SENP6: variants seen among roughly 807,000 people sequenced by gnomAD.
SENP6 encodes the protein sentrin-specific protease 6.
A neutral mutation model predicts 134.5 loss-of-function variants in SENP6; 41 were observed. The observed-to-expected ratio is 0.30, with a 90% CI of 0.24 to 0.40. SENP6 has a LOEUF of 0.40. Ranked by LOEUF, SENP6 falls within the 10% of genes least tolerant of loss-of-function variation. The pLI, the probability that SENP6 is intolerant of heterozygous loss-of-function variation, is 1.00. For missense variants in SENP6, 1,248 were observed against 1,312.5 expected (o/e 0.95, Z 0.76); for synonymous variants, 395 against 429.8 (o/e 0.92, Z 1.00).
chr6:75,651,334 G>C (rs966205100), intron 7 of SENP6, among the ~76,000 whole-genome samples: 1 of 151,904 alleles, frequency 6.6e-6, no homozygotes, highest in Non-Finnish European at 1.5e-5. Flanking sequence ...ATTTAGCACT[G>C]CTTAACACAT....
Position 75,703,036 on chromosome 6 carries a change from C to T in SENP6, c.2680C>T (p.Leu894=). Residue 894 remains leucine (L), a synonymous_variant, in exon 19 of 24, where the codon CTA becomes TTA. Transcript: ENST00000447266. ...TGATAGGACTAAAAGTGAGAATGGCCTACAGAATGAAAGTTTAAGTTCCAC... is the reference window on the plus strand; with the variant it reads ...TGATAGGACTAAAAGTGAGAATGGCTTACAGAATGAAAGTTTAAGTTCCAC... ...VADRTKSENG[L]QNESLSSTHH... is the part of the protein sequence containing the mutation. The T allele has an allele frequency of 6.2e-7, 1 of 1,610,852 alleles. No individual in the cohort carries two copies. Among genetic ancestry groups the T allele is most frequent in the Non-Finnish European group, 8.5e-7 (1 of 1,179,004 alleles).
Position 75,697,462 on chromosome 6 carries a change from A to G in SENP6, c.2233A>G (p.Thr745Ala). The G allele has an allele frequency of 6.2e-7, 1 of 1,613,642 alleles. No homozygotes were observed. The highest frequency in any genetic ancestry group is 8.5e-7 in the Non-Finnish European group (1 of 1,179,714). ...QKRHGRVKTW[T>A]RHVDIFEKDF... ...ACGGCATGGGAGAGTAAAAACATGGACCCGGCACGTAGATATTTTTGAGAA... is the reference window on the plus strand; with the variant it reads ...ACGGCATGGGAGAGTAAAAACATGGGCCCGGCACGTAGATATTTTTGAGAA... The change falls in exon 18 of 24, where the codon ACC becomes GCC. Residue 745 changes from threonine (T) to alanine (A), a missense_variant. By Grantham distance (58) the Thr-to-Ala change is moderately conservative. Transcript: ENST00000447266.
At chr6:75,714,323 A>T (rs990294281) in intron 23 of SENP6, among the ~76,000 whole-genome samples, 6 of 152,202 alleles carry the variant, frequency 3.9e-5, no homozygotes, top group Non-Finnish European at 7.4e-5. Context: ...CTTCAGAGGT[A>T]CAGTACCACA....
chr6:75,617,263 CTTTTTTTT>C (rs71002751), intron 1 of SENP6, among the ~76,000 whole-genome samples: 5 of 58,098 alleles, frequency 8.6e-5, no homozygotes, highest in South Asian at 9.7e-4. Flanking sequence ...TTCTTTCTTT[CTTTTTTTT>C]TTTTTTTTTT....
chr6:75,717,589 G>A lies in SENP6; in HGVS notation c.*1995G>A, dbSNP rs1776077233. The A allele has an allele frequency of 6.6e-6, 1 of 152,066 alleles. No homozygotes were observed. The highest frequency in any genetic ancestry group is 2.4e-5 in the African/African-American group (1 of 41,428). 9.4% of individuals were successfully genotyped at this position (152,066 alleles called of 1,614,324 possible). A position where few individuals can be genotyped will look rare whatever the true frequency, so the allele number is the denominator to read the frequency against. On this transcript the variant is annotated 3_prime_UTR_variant, in exon 24 of 24. Coordinates refer to ENST00000447266, the MANE Select transcript of SENP6 (RefSeq NM_015571.4). ...TGCAATATATATTGAAATCTTCGGA[G>A]GCTGCCAGGTTGAGCTTCAAAACTA... is the stretch of plus-strand genomic sequence containing the variant.
rs1582665519 is a variant in SENP6, at chr6:75,614,247, A to C, written c.53-7285A>C. Among the ~76,000 whole-genome samples, 4 of 151,594 alleles carry C rather than the reference A, an allele frequency of 2.6e-5. No homozygotes were observed. The East Asian group carries it at 7.8e-4, about 29-fold the overall frequency. On this transcript the variant is annotated intron_variant, in intron 1 of 23. Transcript: ENST00000447266. ...GGTGGTGTTCACCAGATTTTTCCAC[A>C]GAAAGTTACTATCTTTTTTTTTTTT...
chr6:75,665,071 G>A (rs1772091580), intron 9 of SENP6, among the ~76,000 whole-genome samples: 1 of 152,206 alleles, frequency 6.6e-6, no homozygotes, highest in Non-Finnish European at 1.5e-5. Flanking sequence ...CGGATCACGA[G>A]GTCAGGAGAT....
At chr6:75,678,387 T>C (rs137899309) in intron 14 of SENP6, 196 bp from the exon 15 acceptor site, 5 of 494,522 alleles carry the variant, frequency 1.0e-5, no homozygotes, top group African/African-American at 8.1e-5. Context: ...TATCACTATC[T>C]AGAAGCTACA....
chr6:75,675,654 A>C, intron 12 of SENP6, 186 bp downstream of exon 12: 1 of 729,998 alleles, frequency 1.4e-6, no homozygotes, highest in East Asian at 2.8e-5. Context: ...CTAACTTTTT[A>C]GAAACCCCTT....
At chr6:75,630,580 A>T (rs545162676) in intron 3 of SENP6, among the ~76,000 whole-genome samples, 4 of 152,266 alleles carry the variant, frequency 2.6e-5, no homozygotes, top group Non-Finnish European at 5.9e-5. Flanking sequence ...ATTGGTTTAA[A>T]CTATTATAGA....
intron 5 of SENP6, among the ~76,000 whole-genome samples, chr6:75,636,967 A>G (rs1769569961): frequency 6.6e-6 from 1 of 151,694 alleles, no homozygotes; most frequent in Non-Finnish European, 1.5e-5. Flanking sequence ...TGCAGCCTCA[A>G]ACTTCTGGTC....
intron 19 of SENP6, among the ~76,000 whole-genome samples, chr6:75,703,383 T>C (rs1054153416): frequency 1.3e-5 from 2 of 152,194 alleles, no homozygotes; most frequent in Admixed American, 6.5e-5. Flanking sequence ...GGTATAATTA[T>C]AATAGCATTC....
Position 75,648,384 on chromosome 6 carries a change from G to A in SENP6, c.550+583G>A, listed in dbSNP as rs140262632. ...ATTATCTGGAATAATGATTCTTAATGTGTGTCCATCTTGTTTTTCTGAGGC... is the reference window on the plus strand; with the variant it reads ...ATTATCTGGAATAATGATTCTTAATATGTGTCCATCTTGTTTTTCTGAGGC... On this transcript the variant is annotated intron_variant, in intron 7 of 23. Transcript: ENST00000447266. Among the ~76,000 whole-genome samples the A allele has an allele frequency of 1.6e-4, 24 of 152,196 alleles. No homozygotes were observed. The East Asian group carries it at 3.3e-3, about 21-fold the overall frequency.
intron 16 of SENP6, among the ~76,000 whole-genome samples, chr6:75,688,952 G>A (rs1333434370): frequency 6.6e-6 from 1 of 152,172 alleles, no homozygotes; most frequent in Non-Finnish European, 1.5e-5. Flanking sequence ...TGTAATCCCA[G>A]CTACTTGGGA....
chr6:75,603,505 CTT>C (rs1158133767), intron 1 of SENP6, among the ~76,000 whole-genome samples: 3 of 152,298 alleles, frequency 2.0e-5, no homozygotes, highest in East Asian at 1.9e-4. Flanking sequence ...ATTAACTACT[CTT>C]TGGATAATTT....
chr6:75,651,918 G>A (rs961521894), intron 7 of SENP6, among the ~76,000 whole-genome samples: 2 of 152,118 alleles, frequency 1.3e-5, no homozygotes, highest in African/African-American at 4.8e-5. Context: ...GTTCACACCT[G>A]TAATCCCAGC....
At chr6:75,686,316 T>G (rs1773836872) in intron 16 of SENP6, among the ~76,000 whole-genome samples, 1 of 152,222 alleles carries the variant, frequency 6.6e-6, no homozygotes, top group Admixed American at 6.5e-5. Flanking sequence ...GTTTCCTGAA[T>G]ACAGCACACT....
chr6:75,684,704 T>C (rs918867767), intron 16 of SENP6, among the ~76,000 whole-genome samples: 21 of 152,224 alleles, frequency 1.4e-4, no homozygotes, highest in African/African-American at 4.8e-4. Flanking sequence ...TTATGTTTAT[T>C]GATTTGCATA....
At chr6:75,625,053 G>T (rs979306368) in intron 3 of SENP6, among the ~76,000 whole-genome samples, 13 of 151,288 alleles carry the variant, frequency 8.6e-5, no homozygotes, top group African/African-American at 2.7e-4. Flanking sequence ...AAGGTATTTT[G>T]GAGAAATTGG....
Sources: allele counts gnomAD v4.1 joint callset (sites outside exome capture counted in the v4.1 genomes callset), GRCh38; gene constraint gnomAD v4.1.1; transcripts MANE v1.5; gene names NCBI Gene and HGNC (gene_info 2026-07-23, HGNC 2026-07-21).